The following TRPC7 variants were observed in gnomAD, a reference collection of about 807,000 sequenced individuals.
TRPC7 encodes the protein short transient receptor potential channel 7.
A neutral mutation model predicts 90.1 loss-of-function variants in TRPC7; 42 were observed. That is an observed-to-expected ratio of 0.47 (90% CI 0.36 to 0.60). The LOEUF (loss-of-function observed/expected upper bound fraction) is 0.60. Ranked by LOEUF, TRPC7 falls within the 20% of genes least tolerant of loss-of-function variation. The pLI is 0.00. For missense variants in TRPC7, 955 were observed against 1,112.3 expected, an observed-to-expected ratio of 0.86 and a Z score of 2.01; for synonymous variants, 451 against 436.3, an observed-to-expected ratio of 1.03 and a Z score of -0.42.
intron 2 of TRPC7, among the ~76,000 whole-genome samples, chr5:136,348,427 T>G (rs1339678595): frequency 1.3e-5 from 2 of 152,216 alleles, no homozygotes; most frequent in Non-Finnish European, 2.9e-5. Context: ...TCTCTTTTAT[T>G]CCATTGGGTT....
At chr5:136,269,408 C>T (rs1047938620) in intron 4 of TRPC7, among the ~76,000 whole-genome samples, 4 of 152,238 alleles carry the variant, frequency 2.6e-5, no homozygotes, top group African/African-American at 9.6e-5. Flanking sequence ...TCAGCACCAA[C>T]TCTGTGTTCC....
chr5:136,351,580 C>T (rs982704224), intron 2 of TRPC7, among the ~76,000 whole-genome samples: 1 of 152,218 alleles, frequency 6.6e-6, no homozygotes, highest in Non-Finnish European at 1.5e-5. Flanking sequence ...TTTGTTGTCT[C>T]CCTGGCTGCA....
At chr5:136,278,458 G>A (rs928497722) in intron 3 of TRPC7, among the ~76,000 whole-genome samples, 1 of 152,220 alleles carries the variant, frequency 6.6e-6, no homozygotes, top group African/African-American at 2.4e-5. Flanking sequence ...AGGCCTGTGG[G>A]TACCAAAGGC....
intron 1 of TRPC7, among the ~76,000 whole-genome samples, chr5:136,361,739 T>A (rs1393333763): frequency 2.0e-5 from 3 of 152,136 alleles, no homozygotes; most frequent in African/African-American, 7.2e-5. Context: ...CCAAACAGAA[T>A]CTAGGAGTCA....
chr5:136,219,076 A>C (rs1755367688), intron 10 of TRPC7, among the ~76,000 whole-genome samples: 1 of 152,188 alleles, frequency 6.6e-6, no homozygotes. Flanking sequence ...TTAGTCAAAG[A>C]GGGTTTGGGC....
intron 6 of TRPC7, among the ~76,000 whole-genome samples, chr5:136,248,603 A>G (rs1212239724): frequency 6.6e-6 from 1 of 152,210 alleles, no homozygotes; most frequent in Admixed American, 6.5e-5. Flanking sequence ...AAGGCCCCAA[A>G]GTGGTGACCA....
At chr5:136,343,718 T>A (rs1759916210) in intron 2 of TRPC7, among the ~76,000 whole-genome samples, 1 of 152,332 alleles carries the variant, frequency 6.6e-6, no homozygotes, top group East Asian at 1.9e-4. Flanking sequence ...TGTCATTTGT[T>A]ACAGGGGTGA....
intron 7 of TRPC7, among the ~76,000 whole-genome samples, chr5:136,240,422 C>A (rs899623643): frequency 6.6e-6 from 1 of 152,194 alleles, no homozygotes; most frequent in African/African-American, 2.4e-5. Context: ...GGGACAAACA[C>A]CACTTGGCAT....
intron 7 of TRPC7, among the ~76,000 whole-genome samples, chr5:136,237,245 G>A (rs933609416): frequency 5.3e-5 from 8 of 152,186 alleles, no homozygotes; most frequent in Non-Finnish European, 1.0e-4. Flanking sequence ...GATTTAGACA[G>A]TCTAGAAGTA....
At chr5:136,333,361 A>T (rs1376547557) in intron 2 of TRPC7, among the ~76,000 whole-genome samples, 2 of 152,232 alleles carry the variant, frequency 1.3e-5, no homozygotes, top group Non-Finnish European at 2.9e-5. Flanking sequence ...GCACAAAAAC[A>T]TGATATATGA....
At chr5:136,345,136 A>G (rs1202891365) in intron 2 of TRPC7, among the ~76,000 whole-genome samples, 1 of 152,212 alleles carries the variant, frequency 6.6e-6, no homozygotes, top group Non-Finnish European at 1.5e-5. Context: ...GGGAAGGATA[A>G]TGGAAGTAGG....
In TRPC7 at chr5:136,224,869, C is replaced by T. The variant is rs184767301; in HGVS notation, c.2343+405G>A. Among the ~76,000 whole-genome samples, 109 of 152,306 alleles carry T rather than the reference C, an allele frequency of 7.2e-4. 1 individual carries two copies. In the Middle Eastern group the frequency reaches 0.01, roughly 14 times the overall value. On this transcript the variant is annotated intron_variant, in intron 10 of 11. Coordinates refer to ENST00000513104, the MANE Select transcript of TRPC7 (RefSeq NM_020389.3). ...TGCCTGGAAGGCCATATATGGCTGCCTCCTGCATCCGAGTGGTCTCGGCTG... is the reference window on the plus strand; with the variant it reads ...TGCCTGGAAGGCCATATATGGCTGCTTCCTGCATCCGAGTGGTCTCGGCTG...
intron 3 of TRPC7, among the ~76,000 whole-genome samples, chr5:136,290,172 T>C (rs1757887248): frequency 6.6e-6 from 1 of 152,006 alleles, no homozygotes. Context: ...CAAAGGTAGA[T>C]AAAACCACAA....
chr5:136,356,945 T>G lies in TRPC7; in HGVS notation c.443A>C (p.Asp148Ala), dbSNP rs768622555. ...CTCGTCGTAGGCATAGAAGTCGTCG[T>G]CGCGCAGCTCCTGTTCCAGCGGGCT... Reference protein sequence around the residue: ...TLSPLEQELRDDDFYAYDEDG... With the variant: ...TLSPLEQELRADDFYAYDEDG... Residue 148 changes from aspartate (D) to alanine (A), a missense_variant, in exon 2 of 12, where the codon GAC (aspartate) becomes GCC (alanine). Asp to Ala is a moderately radical substitution (Grantham distance 126). Coordinates refer to ENST00000513104, the MANE Select transcript of TRPC7 (RefSeq NM_020389.3). 6.2e-7 allele frequency: 1 copy of G among 1,612,964 alleles called. No individual in the cohort carries two copies. Among genetic ancestry groups the G allele is most frequent in the Non-Finnish European group, 8.5e-7 (1 of 1,179,756 alleles).
chr5:136,259,494 T>C (rs1335027740), intron 5 of TRPC7, among the ~76,000 whole-genome samples: 1 of 152,234 alleles, frequency 6.6e-6, no homozygotes, highest in African/African-American at 2.4e-5. Context: ...ATACCAGGCA[T>C]TTACTCCTAG....
intron 2 of TRPC7, among the ~76,000 whole-genome samples, chr5:136,335,888 A>T (rs1284629736): frequency 1.1e-4 from 15 of 134,466 alleles, no homozygotes; most frequent in South Asian, 2.7e-4. Context: ...TGGGCGACAG[A>T]GCGAGACTCC....
intron 8 of TRPC7, among the ~76,000 whole-genome samples, chr5:136,228,012 A>G (rs1755685160): frequency 6.6e-6 from 1 of 152,154 alleles, no homozygotes; most frequent in African/African-American, 2.4e-5. Context: ...GGCATGTGCT[A>G]GGGAGGCCCT....
At chr5:136,283,517 A>T (rs1301744202) in intron 3 of TRPC7, among the ~76,000 whole-genome samples, 1 of 152,162 alleles carries the variant, frequency 6.6e-6, no homozygotes, top group African/African-American at 2.4e-5. Flanking sequence ...TTCTAAGACG[A>T]GAATTACTTG....
intron 5 of TRPC7, among the ~76,000 whole-genome samples, chr5:136,254,028 C>T (rs1207823549): frequency 1.3e-5 from 2 of 152,220 alleles, no homozygotes; most frequent in Non-Finnish European, 2.9e-5. Context: ...GGAAGACCCT[C>T]ACTCTCTTTA....
Sources: allele counts gnomAD v4.1 joint callset (sites outside exome capture counted in the v4.1 genomes callset), GRCh38; gene constraint gnomAD v4.1.1; transcripts MANE v1.5; gene names NCBI Gene and HGNC (gene_info 2026-07-23, HGNC 2026-07-21).